The following BRD9 variants were observed in gnomAD, a reference collection of about 807,000 sequenced individuals.
The protein encoded by BRD9 is bromodomain-containing protein 9.
A neutral mutation model predicts 68.7 loss-of-function variants in BRD9; 47 were observed. The observed-to-expected ratio is 0.68, with a 90% CI of 0.54 to 0.87. The LOEUF (loss-of-function observed/expected upper bound fraction) is 0.87. Among genes scored for constraint, BRD9 ranks in the 40% least tolerant of loss-of-function variants. The pLI, the probability that BRD9 is intolerant of heterozygous loss-of-function variation, is 0.00. For synonymous variants in BRD9, 313 were observed against 293.9 expected (o/e 1.06, Z -0.67); for missense variants, 670 against 748.4 (o/e 0.90, Z 1.22).
At chr5:872,813 T>TA (rs1750345126) in intron 12 of BRD9, among the ~76,000 whole-genome samples, 1 of 152,200 alleles carries the variant, frequency 6.6e-6, no homozygotes, top group Non-Finnish European at 1.5e-5. Flanking sequence ...AACAGTATCC[T>TA]AAAACAACAG....
At position 889,013 on chromosome 5, in the gene BRD9, T is replaced by A. The variant is rs1011431935; in HGVS notation, c.606+8A>T. ...CCACGATTACTTCGGGCAATGAAAG[T>A]AACTTACCTTAAATTCCGTAACTGA... On this transcript the variant is annotated splice_region_variant and intron_variant, in intron 5 of 15. Transcript: ENST00000467963. 2 of 1,603,258 alleles carry A rather than the reference T, an allele frequency of 1.2e-6. No individual in the cohort carries two copies. The highest frequency in any genetic ancestry group is 2.7e-5 in the African/African-American group (2 of 74,480).
intron 11 of BRD9, 101 bp downstream of exon 11, chr5:878,254 T>C: frequency 2.6e-6 from 4 of 1,526,234 alleles, no homozygotes; most frequent in South Asian, 1.2e-5. Flanking sequence ...GGCTGCAAGA[T>C]GGCTCTCTCC....
chr5:887,726 G>A (rs73733978), intron 5 of BRD9, among the ~76,000 whole-genome samples: 5,726 of 152,276 alleles, frequency 0.038, 340 homozygotes, highest in African/African-American at 0.13. Context: ...ACATACAAAT[G>A]CTGTGTGAGG....
intron 1 of BRD9, 70 bp downstream of exon 1, chr5:892,536 G>A (rs1001313561): frequency 5.3e-6 from 8 of 1,512,826 alleles, no homozygotes; most frequent in Non-Finnish European, 6.2e-6. Flanking sequence ...ACCCCCGTCC[G>A]CGTGCCCGGA....
chr5:878,216 A>G (rs1156632974), intron 11 of BRD9, 139 bp downstream of exon 11: 2 of 1,270,384 alleles, frequency 1.6e-6, no homozygotes, highest in Non-Finnish European at 2.2e-6. Flanking sequence ...ACTGAAAGCA[A>G]CGGGAAGACC....
chr5:888,932 TAGAAATGATC>T, intron 5 of BRD9, 79 bp downstream of exon 5: 1 of 1,383,308 alleles, frequency 7.2e-7, no homozygotes, highest in East Asian at 2.4e-5. Flanking sequence ...GCTCAAAAAC[TAGAAATGATC>T]TAAGGTGAAT....
chr5:887,607 A>G (rs1448894800), intron 5 of BRD9, 136 bp from the exon 6 acceptor site: 3 of 709,750 alleles, frequency 4.2e-6, no homozygotes, highest in Non-Finnish European at 7.3e-6. Context: ...CTCTGATCTA[A>G]ACATAACGTT....
intron 5 of BRD9, among the ~76,000 whole-genome samples, 162 bp from the exon 6 acceptor site, chr5:887,633 A>G (rs564971955): frequency 6.6e-6 from 1 of 152,374 alleles, no homozygotes; most frequent in East Asian, 1.9e-4. Flanking sequence ...ACTTAAGAGA[A>G]GTTTTCTTAG....
Position 891,031 on chromosome 5 carries a change from C to T in BRD9, c.400+124G>A, listed in dbSNP as rs1753287726. On this transcript the variant is annotated intron_variant, in intron 3 of 15. Coordinates refer to ENST00000467963, the MANE Select transcript of BRD9 (RefSeq NM_023924.5). ...AGGCCAGAGGACACCTGGGATGAGG[C>T]CCTGGAAATACCAGCTCTCCTCCCT... 2.4e-6 allele frequency: 3 copies of T among 1,261,330 alleles called. 1 individual carries two copies. The Admixed American group carries it at 8.6e-5, about 36-fold the overall frequency. 78.1% of individuals were successfully genotyped at this position (1,261,330 alleles called of 1,614,324 possible).
rs1323886635 is a variant in BRD9, at chr5:880,552, C to T, written c.1042+555G>A. Among the ~76,000 whole-genome samples the T allele has an allele frequency of 6.6e-5, 10 of 152,224 alleles. No homozygotes were observed. In the East Asian group the frequency reaches 7.7e-4, roughly 12 times the overall value. On this transcript the variant is annotated intron_variant, in intron 9 of 15. Coordinates refer to ENST00000467963, the MANE Select transcript of BRD9 (RefSeq NM_023924.5). ...TAGAGGCAACCCGTGCCAGGCTGCA[C>T]GTTCCTCACGCGAGCCCGCGAGTGC...
chr5:869,409 G>GTTTTTTTT (rs1749816336), intron 14 of BRD9: 1 of 453,710 alleles, frequency 2.2e-6, no homozygotes, highest in African/African-American at 2.0e-5. Context: ...AAGAAACTGA[G>GTTTTTTTT]TATTTTATCT....
chr5:875,152 G>A (rs530608215), intron 12 of BRD9, among the ~76,000 whole-genome samples: 6 of 152,324 alleles, frequency 3.9e-5, no homozygotes, highest in East Asian at 1.9e-4. Flanking sequence ...CCGAGGGCCC[G>A]GGAGTGAGCA....
rs955603111 is a variant in BRD9, at chr5:878,382, T to C, written c.1244A>G (p.Asp415Gly). The change falls in exon 11 of 16, where the codon GAT (aspartate) becomes GGT (glycine). Residue 415 changes from aspartate to glycine, a missense_variant. Around this residue, in one of 5 missense-constraint regions of BRD9, gnomAD observed 280 missense variants for 281.5 expected, o/e 0.99. Coordinates refer to ENST00000467963, the MANE Select transcript of BRD9 (RefSeq NM_023924.5). ...EMELLYSAYG[D>G]ETGVQCALSL... ...CAGCGCACACTGCACGCCTGTCTCA[T>C]CTCCGTAGGCTGAGTAGAGCAGCTC... 1.2e-6 allele frequency: 2 copies of C among 1,614,192 alleles called. No individual in the cohort carries two copies. Among genetic ancestry groups the C allele is most frequent in the Non-Finnish European group, 1.7e-6 (2 of 1,180,050 alleles).
rs2150542168 is a variant in BRD9 at position 864,502 on chromosome 5, T to G, written c.1760A>C (p.Gln587Pro). 1 of 1,613,946 alleles carries G rather than the reference T, an allele frequency of 6.2e-7. No individual in the cohort carries two copies. Among genetic ancestry groups the G allele is most frequent in the South Asian group, 1.1e-5 (1 of 91,086 alleles). ...DVTHDPYEFL[Q>P]SPEPAASAKT Reference sequence around the variant, plus strand: ...GGCAGAGGCCGCAGGCTCTGGAGACTGAAGAAACTCATAGGGGTCGTGGGT... The same window carrying G: ...GGCAGAGGCCGCAGGCTCTGGAGACGGAAGAAACTCATAGGGGTCGTGGGT... The change falls in exon 16 of 16, where the codon CAG (glutamine) becomes CCG (proline). Residue 587 changes from glutamine (Q) to proline (P), a missense_variant. Physicochemically the swap from Gln to Pro is moderately conservative, Grantham distance 76 (BLOSUM62 -1). Around this residue, in one of 5 missense-constraint regions of BRD9, gnomAD observed 280 missense variants for 281.5 expected, o/e 0.99. Coordinates refer to ENST00000467963, the MANE Select transcript of BRD9 (RefSeq NM_023924.5).
chr5:886,292 G>C (rs922953660), intron 7 of BRD9, among the ~76,000 whole-genome samples: 1 of 152,240 alleles, frequency 6.6e-6, no homozygotes, highest in African/African-American at 2.4e-5. Context: ...CGCTGTGCAG[G>C]GGAGGGAGGG....
chr5:884,805 C>T (rs770077660), intron 7 of BRD9, among the ~76,000 whole-genome samples: 23 of 152,274 alleles, frequency 1.5e-4, no homozygotes, highest in Admixed American at 2.6e-4. Context: ...ACACAGGAGT[C>T]ACAGCCCCAT....
chr5:882,898 C>T (rs1255306456), intron 8 of BRD9: 1 of 248,792 alleles, frequency 4.0e-6, no homozygotes, highest in African/African-American at 2.3e-5. Flanking sequence ...AACCTCCCAA[C>T]ACATAAGCCA....
intron 3 of BRD9, among the ~76,000 whole-genome samples, chr5:890,567 G>A (rs1332431235): frequency 6.6e-6 from 1 of 152,190 alleles, no homozygotes; most frequent in East Asian, 1.9e-4. Flanking sequence ...TGGTGCCCAC[G>A]ACAGAGATTC....
Position 864,171 on chromosome 5 carries a change from C to G in BRD9, c.*297G>C. On this transcript the variant is annotated 3_prime_UTR_variant, in exon 16 of 16. Transcript: ENST00000467963. Reference sequence around the variant, plus strand: ...TGTACAGAGACTCTCTCTGCTGACACGATGGCCACACGCCCTTCGTGTATG... The same window carrying G: ...TGTACAGAGACTCTCTCTGCTGACAGGATGGCCACACGCCCTTCGTGTATG... The G allele has an allele frequency of 4.3e-6, 1 of 234,052 alleles. No individual in the cohort carries two copies. Among genetic ancestry groups the G allele is most frequent in the Non-Finnish European group, 8.6e-6 (1 of 116,470 alleles). The allele number at this position is 234,052 out of a possible 1,614,324, so 14.5% of individuals were successfully genotyped here.
Sources: allele counts gnomAD v4.1 joint callset (sites outside exome capture counted in the v4.1 genomes callset), GRCh38; gene constraint gnomAD v4.1.1; regional missense constraint gnomAD v4.1.1; transcripts MANE v1.5; gene names NCBI Gene and HGNC (gene_info 2026-07-23, HGNC 2026-07-21).